The following MACROD2 variants were observed in gnomAD, a reference collection of about 807,000 sequenced individuals.
MACROD2 encodes the protein ADP-ribose glycohydrolase MACROD2.
In MACROD2, 36 loss-of-function variants were observed where a neutral mutation model predicts 70.4. That is an observed-to-expected ratio of 0.51 (90% CI 0.39 to 0.68). The LOEUF (loss-of-function observed/expected upper bound fraction) is 0.68. Among genes scored for constraint, MACROD2 ranks in the 30% least tolerant of loss-of-function variants. The pLI is 0.00. For missense variants in MACROD2, 496 were observed against 538.4 expected (o/e 0.92, Z 0.78); for synonymous variants, 172 against 178.8 (o/e 0.96, Z 0.30).
At chr20:15,525,735 G>A (rs917062368) in intron 8 of MACROD2, among the ~76,000 whole-genome samples, 4 of 152,158 alleles carry the variant, frequency 2.6e-5, no homozygotes, top group Non-Finnish European at 4.4e-5. Flanking sequence ...ATTAAAAGGC[G>A]GTTTGGGTAG....
intron 3 of MACROD2, among the ~76,000 whole-genome samples, chr20:14,438,283 G>A (rs978899875): frequency 3.3e-5 from 5 of 152,142 alleles, no homozygotes; most frequent in African/African-American, 1.2e-4. Context: ...ATTCAATTGT[G>A]TATGTATACC....
At chr20:15,224,916 C>T (rs974421573) in intron 5 of MACROD2, among the ~76,000 whole-genome samples, 2 of 149,888 alleles carry the variant, frequency 1.3e-5, no homozygotes, top group African/African-American at 2.5e-5. Flanking sequence ...GCCAAGATTG[C>T]ACCACTGCAC....
chr20:15,403,208 T>A (rs886234656), intron 6 of MACROD2, among the ~76,000 whole-genome samples: 1 of 152,124 alleles, frequency 6.6e-6, no homozygotes, highest in African/African-American at 2.4e-5. Flanking sequence ...CCTCAGGTGA[T>A]CCACCCGCCT....
intron 3 of MACROD2, among the ~76,000 whole-genome samples, chr20:14,111,519 AT>A (rs2054451198): frequency 6.6e-6 from 1 of 152,066 alleles, no homozygotes. Context: ...TAGGAAAAAA[AT>A]ATAATAATCC....
At chr20:15,706,537 A>C (rs1478585692) in intron 8 of MACROD2, among the ~76,000 whole-genome samples, 1 of 152,236 alleles carries the variant, frequency 6.6e-6, no homozygotes, top group Non-Finnish European at 1.5e-5. Context: ...GCCTATGAAA[A>C]ATGAAGGAAC....
chr20:15,966,205 T>C (rs1017390032), intron 12 of MACROD2, among the ~76,000 whole-genome samples: 16 of 152,206 alleles, frequency 1.1e-4, no homozygotes, highest in Admixed American at 1.0e-3. Flanking sequence ...GATTCAGCTC[T>C]GTTGGGGAGT....
At chr20:14,112,501 C>T (rs2054464662) in intron 3 of MACROD2, among the ~76,000 whole-genome samples, 1 of 151,738 alleles carries the variant, frequency 6.6e-6, no homozygotes, top group Admixed American at 6.6e-5. Flanking sequence ...CTACTATGTA[C>T]CCACAAAATT....
intron 8 of MACROD2, among the ~76,000 whole-genome samples, chr20:15,741,044 T>C (rs1421975010): frequency 6.6e-6 from 1 of 151,624 alleles, no homozygotes; most frequent in East Asian, 1.9e-4. Flanking sequence ...TCAAAATAAA[T>C]GTGGAAGAAC....
intron 5 of MACROD2, among the ~76,000 whole-genome samples, chr20:14,973,655 G>T (rs2074712201): frequency 6.6e-6 from 1 of 152,028 alleles, no homozygotes; most frequent in Admixed American, 6.5e-5. Flanking sequence ...AGATTATTTG[G>T]GAACAGTGTG....
At chr20:14,007,441 C>T (rs2052839028) in intron 2 of MACROD2, among the ~76,000 whole-genome samples, 1 of 152,018 alleles carries the variant, frequency 6.6e-6, no homozygotes, top group South Asian at 2.1e-4. Context: ...ATGAGAATGT[C>T]CCAGTGGTTA....
chr20:14,606,206 G>C (rs1468934920), intron 4 of MACROD2, among the ~76,000 whole-genome samples: 1 of 152,134 alleles, frequency 6.6e-6, no homozygotes, highest in Non-Finnish European at 1.5e-5. Context: ...ACAGTAGTTT[G>C]AAAAGTGGGC....
intron 5 of MACROD2, among the ~76,000 whole-genome samples, chr20:14,917,445 T>A (rs894205487): frequency 2.0e-5 from 3 of 152,028 alleles, no homozygotes; most frequent in African/African-American, 7.2e-5. Flanking sequence ...GCATCCCCTA[T>A]GAAGCAATGC....
At chr20:14,572,720 A>G (rs1479122024) in intron 4 of MACROD2, among the ~76,000 whole-genome samples, 4 of 152,156 alleles carry the variant, frequency 2.6e-5, no homozygotes, top group Middle Eastern at 3.4e-3. Context: ...GGAAGTTGGC[A>G]TGAGGAAGGA....
intron 4 of MACROD2, among the ~76,000 whole-genome samples, chr20:14,680,217 T>G (rs963592396): frequency 6.6e-6 from 1 of 152,200 alleles, no homozygotes; most frequent in Non-Finnish European, 1.5e-5. Context: ...CTTGAATCCT[T>G]GGTTGAGTCT....
chr20:15,572,737 G>A (rs572430233), intron 8 of MACROD2, among the ~76,000 whole-genome samples: 3 of 152,202 alleles, frequency 2.0e-5, no homozygotes, highest in South Asian at 4.1e-4. Flanking sequence ...TGTGAAAAGC[G>A]ATTCTGCTAA....
intron 3 of MACROD2, among the ~76,000 whole-genome samples, chr20:14,320,545 A>T (rs2082649540): frequency 6.6e-6 from 1 of 152,306 alleles, no homozygotes; most frequent in South Asian, 2.1e-4. Context: ...GCCTAATGGA[A>T]AATATACCTT....
At chr20:14,278,867 GTTAC>G (rs11469758) in intron 3 of MACROD2, among the ~76,000 whole-genome samples, 93,848 of 151,712 alleles carry the variant, frequency 0.62, 30,734 homozygotes, top group Non-Finnish European at 0.74. Flanking sequence ...ATTTAAATGA[GTTAC>G]TTAAGTAAGA....
At chr20:16,038,730 A>G (rs958939943) in intron 15 of MACROD2, among the ~76,000 whole-genome samples, 1 of 151,840 alleles carries the variant, frequency 6.6e-6, no homozygotes, top group Admixed American at 6.6e-5. Context: ...CTTGGTTTTC[A>G]GTGACTTGTT....
intron 9 of MACROD2, 48 bp downstream of exon 9, chr20:15,862,874 G>T: frequency 7.1e-7 from 1 of 1,404,722 alleles, no homozygotes. Flanking sequence ...GATGGAAGAA[G>T]TGGAGCCGTC....
Sources: gnomAD v4.1 joint callset for allele counts (sites outside exome capture counted in the v4.1 genomes callset) on GRCh38, gnomAD v4.1.1 for gene constraint, MANE v1.5 for transcripts, NCBI Gene and HGNC (gene_info 2026-07-23, HGNC 2026-07-21) for gene names.